Variants in SHC3 observed in about 807,000 individuals in gnomAD.
SHC3 encodes SHC adaptor protein 3, also known as SHC-transforming protein 3.
A neutral mutation model predicts 60.4 loss-of-function variants in SHC3; 15 were observed. That is an observed-to-expected ratio of 0.25 (90% CI 0.17 to 0.38). The LOEUF is 0.38. Ranked by LOEUF, SHC3 falls within the 10% of genes least tolerant of loss-of-function variation. The pLI is 1.00. For synonymous variants in SHC3, 294 were observed against 325.9 expected (o/e 0.90, Z 1.05); for missense variants, 677 against 786.1 (o/e 0.86, Z 1.66).
At chr9:89,162,437 C>T (rs1020336902) in intron 1 of SHC3, among the ~76,000 whole-genome samples, 26 of 151,300 alleles carry the variant, frequency 1.7e-4, no homozygotes, top group Non-Finnish European at 3.0e-4. Context: ...GAAATAATGC[C>T]GCATATCTAC....
chr9:89,177,798 GA>G (rs1400562054), intron 1 of SHC3, among the ~76,000 whole-genome samples, 188 bp downstream of exon 1: 2 of 152,260 alleles, frequency 1.3e-5, no homozygotes, highest in Admixed American at 6.5e-5. Flanking sequence ...ATGGATGCGG[GA>G]AAAGCGCATT....
intron 2 of SHC3, among the ~76,000 whole-genome samples, chr9:89,079,356 A>C (rs1158101733): frequency 6.6e-6 from 1 of 152,248 alleles, no homozygotes; most frequent in Non-Finnish European, 1.5e-5. Context: ...AAACCAGTAC[A>C]GTGAATCGCT....
chr9:89,111,394 T>G (rs772916135), intron 2 of SHC3, among the ~76,000 whole-genome samples: 14 of 152,222 alleles, frequency 9.2e-5, no homozygotes, highest in South Asian at 2.1e-4. Flanking sequence ...GGTGAATAAA[T>G]GACTGACTAA....
chr9:89,131,741 T>C (rs908138346), intron 1 of SHC3, among the ~76,000 whole-genome samples: 3 of 152,106 alleles, frequency 2.0e-5, no homozygotes, highest in Admixed American at 6.5e-5. Flanking sequence ...ATAAACTAGG[T>C]ATTGATGGGA....
At chr9:89,167,025 C>T (rs368000767) in intron 1 of SHC3, among the ~76,000 whole-genome samples, 6 of 152,012 alleles carry the variant, frequency 3.9e-5, no homozygotes, top group East Asian at 3.9e-4. Context: ...CTTCACAGCA[C>T]GAAAGCTGGC....
Position 89,147,563 on chromosome 9 carries a change from A to G in SHC3, c.474+30424T>C, listed in dbSNP as rs140103958. Among the ~76,000 whole-genome samples, 295 of 151,992 alleles carry G rather than the reference A, an allele frequency of 1.9e-3. 4 individuals are homozygous for G. The highest frequency in any genetic ancestry group is 6.7e-3 in the African/African-American group (276 of 41,428). ...TTCAATCCTTAATGATCTGTATCAA[A>G]TATCATGTGGCCAAGAAAGCCCTCC... On this transcript the variant is annotated intron_variant, in intron 1 of 11. Transcript: ENST00000375835.
chr9:89,029,355 A>T, intron 11 of SHC3, among the ~76,000 whole-genome samples: 1 of 152,100 alleles, frequency 6.6e-6, no homozygotes, highest in East Asian at 1.9e-4. Context: ...TACAGAACAC[A>T]AAGACAAAAG....
intron 1 of SHC3, among the ~76,000 whole-genome samples, chr9:89,146,380 A>T (rs1395609150): frequency 6.6e-6 from 1 of 151,826 alleles, no homozygotes; most frequent in African/African-American, 2.4e-5. Flanking sequence ...AAACAAAACA[A>T]AAAAAAACCT....
chr9:89,137,157 C>T (rs1298012147), intron 1 of SHC3, among the ~76,000 whole-genome samples: 1 of 152,102 alleles, frequency 6.6e-6, no homozygotes, highest in Non-Finnish European at 1.5e-5. Context: ...GTCCCTCCCC[C>T]AAAATCGGGA....
chr9:89,134,527 G>T (rs1826293500), intron 1 of SHC3, among the ~76,000 whole-genome samples: 2 of 152,054 alleles, frequency 1.3e-5, no homozygotes, highest in Admixed American at 6.6e-5. Flanking sequence ...AACTGATTAA[G>T]ATTGAATAGA....
chr9:89,122,557 T>TG (rs1826106461), intron 1 of SHC3, among the ~76,000 whole-genome samples: 1 of 152,230 alleles, frequency 6.6e-6, no homozygotes, highest in South Asian at 2.1e-4. Flanking sequence ...AATTAAATGT[T>TG]GGGGATTTTA....
At chr9:89,028,430 T>C (rs979202400) in intron 11 of SHC3, among the ~76,000 whole-genome samples, 2 of 151,278 alleles carry the variant, frequency 1.3e-5, no homozygotes, top group Admixed American at 6.6e-5. Context: ...CAGAAGATAA[T>C]TTGGAAAACA....
At chr9:89,017,974 T>G (rs1826124553) in intron 11 of SHC3, among the ~76,000 whole-genome samples, 1 of 152,164 alleles carries the variant, frequency 6.6e-6, no homozygotes, top group South Asian at 2.1e-4. Context: ...TGGTGATCAT[T>G]AAAAAGTCAG....
chr9:89,045,037 T>C (rs1824749343), intron 9 of SHC3, among the ~76,000 whole-genome samples: 1 of 152,072 alleles, frequency 6.6e-6, no homozygotes, highest in African/African-American at 2.4e-5. Flanking sequence ...AACAATTTGT[T>C]GTAGGAGTCA....
intron 2 of SHC3, among the ~76,000 whole-genome samples, chr9:89,087,665 T>C (rs996882266): frequency 6.6e-6 from 1 of 152,212 alleles, no homozygotes; most frequent in Non-Finnish European, 1.5e-5. Context: ...TAATTCTAGA[T>C]GATATAAACC....
At chr9:89,066,334 G>T (rs1369441441) in intron 5 of SHC3, among the ~76,000 whole-genome samples, 1 of 152,130 alleles carries the variant, frequency 6.6e-6, no homozygotes, top group Non-Finnish European at 1.5e-5. Context: ...TGCCTTCCTG[G>T]TGGATGAGAT....
chr9:89,012,475 G>A lies in SHC3; in HGVS notation c.*972C>T, dbSNP rs967292668. 3.3e-5 allele frequency: 5 copies of A among 152,176 alleles called. No individual in the cohort carries two copies. Among genetic ancestry groups the A allele is most frequent in the African/African-American group, 9.7e-5 (4 of 41,420 alleles). 9.4% of individuals were successfully genotyped at this position (152,176 alleles called of 1,614,324 possible). ...AGTCTTCGGGACTGAGCTCTGGGAT[G>A]GGTGCCTGCTCTTGCTGTCACACAG... On this transcript the variant is annotated 3_prime_UTR_variant, in exon 12 of 12. Coordinates refer to ENST00000375835, the MANE Select transcript of SHC3 (RefSeq NM_016848.6).
chr9:89,077,835 A>T lies in SHC3; in HGVS notation c.609+5T>A, dbSNP rs755454407. On this transcript the variant is annotated splice_donor_5th_base_variant and intron_variant, in intron 3 of 11. Coordinates refer to ENST00000375835, the MANE Select transcript of SHC3 (RefSeq NM_016848.6). The stretch of plus-strand genomic sequence containing the variant: ...CAGTTAGACACAGAGCATTGAGGAC[A>T]GTACCTTTCTCTTCTTGAAGGCTCC... 1.2e-6 allele frequency: 2 copies of T among 1,614,234 alleles called. No individual in the cohort carries two copies. The highest frequency in any genetic ancestry group is 1.3e-5 in the African/African-American group (1 of 75,066).
At chr9:89,126,348 G>A (rs1826165249) in intron 1 of SHC3, among the ~76,000 whole-genome samples, 2 of 152,208 alleles carry the variant, frequency 1.3e-5, no homozygotes, top group Non-Finnish European at 2.9e-5. Context: ...GTGGGTTAGA[G>A]GCCCCATTCG....
Sources: gnomAD v4.1 joint callset for allele counts (sites outside exome capture counted in the v4.1 genomes callset) on GRCh38, gnomAD v4.1.1 for gene constraint, MANE v1.5 for transcripts, NCBI Gene and HGNC (gene_info 2026-07-23, HGNC 2026-07-21) for gene names.